The following IRS1 variants were observed in gnomAD, a reference collection of about 807,000 sequenced individuals.
IRS1 encodes the protein insulin receptor substrate 1.
A neutral mutation model predicts 65.6 loss-of-function variants in IRS1; 34 were observed. The ratio of observed to expected loss-of-function variants is 0.52; its 90% CI spans 0.39 to 0.69. The LOEUF (loss-of-function observed/expected upper bound fraction) is 0.69. Ranked by LOEUF, IRS1 falls within the 30% of genes least tolerant of loss-of-function variation. The probability of loss-of-function intolerance (pLI) is 0.00; values close to 1 mark genes in which losing one functional copy is unlikely to be tolerated. For missense variants in IRS1, 1,641 were observed against 1,720.2 expected, an observed-to-expected ratio of 0.95 and a Z score of 0.81; for synonymous variants, 699 against 683.5, an observed-to-expected ratio of 1.02 and a Z score of -0.35.
chr2:226,759,562 AT>A (rs1421391067), intron 1 of IRS1, among the ~76,000 whole-genome samples: 1 of 152,190 alleles, frequency 6.6e-6, no homozygotes, highest in Non-Finnish European at 1.5e-5. Context: ...GCCCAAATTT[AT>A]TTTCTCACTA....
At chr2:226,769,282 G>T (rs1017134112) in intron 1 of IRS1, among the ~76,000 whole-genome samples, 1 of 152,158 alleles carries the variant, frequency 6.6e-6, no homozygotes, top group Admixed American at 6.5e-5. Context: ...GACAACTAAG[G>T]CCATCAGCCT....
chr2:226,797,588 G>GGCGAGCA lies in IRS1; in HGVS notation c.1144_1150dup (p.Pro384LeufsTer15). 6.3e-7 allele frequency: 1 copy of GGCGAGCA among 1,590,848 alleles called. No homozygotes were observed. Among genetic ancestry groups the GGCGAGCA allele is most frequent in the Non-Finnish European group, 8.5e-7 (1 of 1,171,174 alleles). On this transcript the variant is annotated frameshift_variant, in exon 1 of 2. Coordinates refer to ENST00000305123, the MANE Select transcript of IRS1 (RefSeq NM_005544.3). LOFTEE classifies it high-confidence loss of function. This position sits in a 1 kb window ranked among gnomAD's most constrained non-coding sequence, Gnocchi z 8.1. ...CAGACTGACCGGGCTGGTGGCCGAA[G>GGCGAGCA]GCGAGCAGCGGGAAGCCGGCATGGG...
Position 226,796,940 on chromosome 2 carries a change from C to A in IRS1, c.1799G>T (p.Arg600Leu), listed in dbSNP as rs777791193. 4 of 1,556,046 alleles carry A rather than the reference C, an allele frequency of 2.6e-6. No homozygotes were observed. Among genetic ancestry groups the A allele is most frequent in the East Asian group, 2.3e-5 (1 of 44,338 alleles). Residue 600 changes from arginine to leucine, a missense_variant, in exon 1 of 2, where the codon CGC (arginine) becomes CTC (leucine). By Grantham distance (102) the Arg-to-Leu change is moderately radical. This residue lies in a region of IRS1 where 1,324 missense variants were observed against 1,361.0 expected (regional missense o/e 0.97). Transcript: ENST00000305123. ...HPLERRGGHH[R>L]PDSSTLHTDD... ...CGTGTGGAGGGTGGAGCTGTCTGGG[C>A]GGTGGTGCCCCCCCCGACGCTCCAA...
chr2:226,741,367 G>A (rs1024850370), intron 1 of IRS1, among the ~76,000 whole-genome samples: 1 of 152,140 alleles, frequency 6.6e-6, no homozygotes, highest in Non-Finnish European at 1.5e-5. Flanking sequence ...TTGAAAGTAG[G>A]AAAATCTTCT....
chr2:226,764,954 G>A (rs1004753218), intron 1 of IRS1, among the ~76,000 whole-genome samples: 2 of 152,158 alleles, frequency 1.3e-5, no homozygotes, highest in African/African-American at 4.8e-5. Flanking sequence ...GAAGTCTATC[G>A]CACAAACTTT....
intron 1 of IRS1, among the ~76,000 whole-genome samples, chr2:226,774,099 C>T (rs1007420644): frequency 1.3e-5 from 2 of 152,100 alleles, no homozygotes; most frequent in East Asian, 1.9e-4. Flanking sequence ...TCCCACTGGA[C>T]GTCCGGAAAG....
intron 1 of IRS1, among the ~76,000 whole-genome samples, chr2:226,787,866 A>G (rs963293869): frequency 3.3e-5 from 5 of 152,198 alleles, no homozygotes; most frequent in African/African-American, 4.8e-5. Context: ...CTACTTAGCA[A>G]TTACTCAATA....
rs763987864 is a variant in IRS1 at position 226,797,527 on chromosome 2, C to T, written c.1212G>A (p.Ser404=). The T allele has an allele frequency of 1.3e-5, 21 of 1,610,806 alleles. No individual in the cohort carries two copies. The highest frequency in any genetic ancestry group is 1.8e-5 in the Non-Finnish European group (21 of 1,179,156). ...TAGATCGCCGTGGGAAGAGACAATC[C>T]GAGGTGGAGCCATGGCCACTGGTGC... ...SSSTSGHGST[S]DCLFPRRSSA... The change falls in exon 1 of 2, where the codon TCG becomes TCA. Residue 404 remains serine, a synonymous_variant. Coordinates refer to ENST00000305123, the MANE Select transcript of IRS1 (RefSeq NM_005544.3). This position sits in a 1 kb window ranked among gnomAD's most constrained non-coding sequence, Gnocchi z 8.1.
chr2:226,777,207 T>A (rs998254116), intron 1 of IRS1, among the ~76,000 whole-genome samples: 1 of 152,186 alleles, frequency 6.6e-6, no homozygotes, highest in African/African-American at 2.4e-5. Context: ...TGTATTATAC[T>A]AATGCAAGAT....
chr2:226,784,671 C>T (rs1029066294), intron 1 of IRS1, among the ~76,000 whole-genome samples: 2 of 152,226 alleles, frequency 1.3e-5, no homozygotes, highest in African/African-American at 4.8e-5. Context: ...GATCCACCCA[C>T]CTCAGCCTCC....
At chr2:226,770,516 T>C (rs1433610891) in intron 1 of IRS1, among the ~76,000 whole-genome samples, 11 of 152,142 alleles carry the variant, frequency 7.2e-5, no homozygotes, top group Non-Finnish European at 1.5e-5. Context: ...TCCCAGCAAA[T>C]AGTAAAGCCA....
intron 1 of IRS1, among the ~76,000 whole-genome samples, chr2:226,788,529 G>T (rs1939530078): frequency 6.6e-6 from 1 of 152,136 alleles, no homozygotes; most frequent in Non-Finnish European, 1.5e-5. Flanking sequence ...CCTGCTGCAA[G>T]AATACTATTA....
In IRS1 at chr2:226,798,190, G is replaced by A. The variant is rs749080306; in HGVS notation, c.549C>T (p.Tyr183=). 1.1e-5 allele frequency: 18 copies of A among 1,613,972 alleles called. No homozygotes were observed. In the Admixed American group the frequency reaches 2.7e-4, roughly 24 times the overall value. Residue 183 remains tyrosine (Y), a synonymous_variant, in exon 1 of 2, where the codon TAC becomes TAT. Coordinates refer to ENST00000305123, the MANE Select transcript of IRS1 (RefSeq NM_005544.3). The surrounding 1 kb of genome is among the most constrained non-coding windows in gnomAD (Gnocchi z 9.4). ...TGGTCTTGCTGGTCAGGCAAAGGCG[G>A]TAGATACCAATCAGGTTCTTTGTCT... The part of the protein sequence containing the change: ...LGQTKNLIGI[Y]RLCLTSKTIS...
At chr2:226,744,889 G>A (rs895654711) in intron 1 of IRS1, among the ~76,000 whole-genome samples, 1 of 151,830 alleles carries the variant, frequency 6.6e-6, no homozygotes, top group Non-Finnish European at 1.5e-5. Flanking sequence ...ATATCAGGGG[G>A]AAAACGTTGA....
intron 1 of IRS1, among the ~76,000 whole-genome samples, chr2:226,781,869 C>G (rs1182220150): frequency 7.2e-6 from 1 of 139,372 alleles, no homozygotes; most frequent in Non-Finnish European, 1.5e-5. Context: ...CCTAAATACA[C>G]ACACACACAC....
intron 1 of IRS1, among the ~76,000 whole-genome samples, chr2:226,745,799 A>T (rs931963176): frequency 6.6e-6 from 1 of 152,228 alleles, no homozygotes; most frequent in African/African-American, 2.4e-5. Context: ...ACTGTGGTGG[A>T]ACTAGCAAGC....
chr2:226,795,767 G>T lies in IRS1; in HGVS notation c.2972C>A (p.Thr991Asn). The change falls in exon 1 of 2, where the codon ACC becomes AAC. Residue 991 changes from threonine (T) to asparagine (N), a missense_variant. Coordinates refer to ENST00000305123, the MANE Select transcript of IRS1 (RefSeq NM_005544.3). ...CTGACGGGGACAACTCATCTGCATG[G>T]TCATGTAGTCACCCCGGCTGCTGGG... The part of the protein sequence containing the change: ...AVPSSRGDYM[T>N]MQMSCPRQSY... The T allele has an allele frequency of 6.2e-7, 1 of 1,613,352 alleles. No individual in the cohort carries two copies.
intron 1 of IRS1, among the ~76,000 whole-genome samples, chr2:226,746,892 C>T (rs968249335): frequency 1.3e-5 from 2 of 149,378 alleles, no homozygotes; most frequent in Non-Finnish European, 3.0e-5. Flanking sequence ...CAGGTTGGAG[C>T]GATTCTCCTG....
Position 226,798,717 on chromosome 2 carries a change from C to G in IRS1, c.22G>C (p.Asp8His), listed in dbSNP as rs745389011. 6.2e-7 allele frequency: 1 copy of G among 1,612,414 alleles called. No individual in the cohort carries two copies. The highest frequency in any genetic ancestry group is 1.1e-5 in the South Asian group (1 of 91,054). Residue 8 changes from aspartate to histidine, a missense_variant, in exon 1 of 2, where the codon GAT becomes CAT. Physicochemically the swap from Asp to His is moderately conservative, Grantham distance 81 (BLOSUM62 -1). This residue lies in a region of IRS1 where 240 missense variants were observed against 229.6 expected (regional missense o/e 1.05). Transcript: ENST00000305123. This position sits in a 1 kb window ranked among gnomAD's most constrained non-coding sequence, Gnocchi z 9.4. ...ACCTTGCGCACGTCCGAGAAGCCAT[C>G]GCTCTCCGGAGGGCTCGCCATGCTG... MASPPESDGFSDVRKVGY... is the reference protein window; with the variant it reads MASPPESHGFSDVRKVGY...
Sources: allele counts gnomAD v4.1 joint callset (sites outside exome capture counted in the v4.1 genomes callset), GRCh38; gene constraint gnomAD v4.1.1; regional missense constraint gnomAD v4.1.1; non-coding constraint Gnocchi (gnomAD v3.1); transcripts MANE v1.5; gene names NCBI Gene and HGNC (gene_info 2026-07-23, HGNC 2026-07-21).